TANGO6: variants seen among roughly 807,000 people sequenced by gnomAD.
TANGO6 encodes the protein transport and Golgi organization protein 6 homolog.
In TANGO6, 90 loss-of-function variants were observed where a neutral mutation model predicts 114.2. The observed-to-expected ratio is 0.79, with a 90% CI of 0.66 to 0.94. The LOEUF is 0.94. TANGO6 is among the 40% of genes least tolerant of loss of function. The probability of loss-of-function intolerance (pLI) is 0.00; values close to 1 mark genes in which losing one functional copy is unlikely to be tolerated. For missense variants in TANGO6, 1,274 were observed against 1,315.3 expected (o/e 0.97, Z 0.49); for synonymous variants, 477 against 509.8 (o/e 0.94, Z 0.87).
chr16:68,984,795 C>G (rs142548548), intron 15 of TANGO6, among the ~76,000 whole-genome samples: 514 of 151,804 alleles, frequency 3.4e-3, no homozygotes, highest in Middle Eastern at 0.01. Flanking sequence ...GTGTTGGGAT[C>G]ACAGATGTGA....
intron 14 of TANGO6, among the ~76,000 whole-genome samples, chr16:68,957,429 G>T (rs368832550): frequency 7.8e-5 from 11 of 140,444 alleles, no homozygotes; most frequent in Non-Finnish European, 1.7e-4. Context: ...ACAGTGTCTC[G>T]CTCTGTCACC....
intron 11 of TANGO6, among the ~76,000 whole-genome samples, chr16:68,915,000 C>CACACAT (rs1491328186): frequency 7.2e-6 from 1 of 138,842 alleles, no homozygotes; most frequent in African/African-American, 2.7e-5. Flanking sequence ...CACACACACA[C>CACACAT]ATATAGATAG....
At chr16:69,021,790 A>T (rs8047009) in intron 15 of TANGO6, among the ~76,000 whole-genome samples, 30,001 of 151,940 alleles carry the variant, frequency 0.2, 3,140 homozygotes, top group African/African-American at 0.25. Context: ...TTGTGTGACC[A>T]TGGGCTAATT....
At chr16:68,953,975 C>T (rs967338012) in intron 14 of TANGO6, among the ~76,000 whole-genome samples, 1 of 152,236 alleles carries the variant, frequency 6.6e-6, no homozygotes, top group African/African-American at 2.4e-5. Flanking sequence ...CACAGTGGCT[C>T]ATGCCTGTAA....
At chr16:68,958,587 A>G (rs897129957) in intron 14 of TANGO6, among the ~76,000 whole-genome samples, 6 of 152,064 alleles carry the variant, frequency 3.9e-5, no homozygotes, top group African/African-American at 9.7e-5. Context: ...AAAAAGAAAA[A>G]AAACCTCTTT....
chr16:68,918,211 G>C (rs1196325427), intron 11 of TANGO6, among the ~76,000 whole-genome samples: 1 of 152,068 alleles, frequency 6.6e-6, no homozygotes, highest in African/African-American at 2.4e-5. Flanking sequence ...CTCAACCCAG[G>C]TTTTCTTATT....
intron 15 of TANGO6, among the ~76,000 whole-genome samples, chr16:69,016,780 C>T (rs1359908803): frequency 6.6e-6 from 1 of 152,248 alleles, no homozygotes; most frequent in South Asian, 2.1e-4. Flanking sequence ...CTGCCTCAGC[C>T]TCCTGAGTAG....
Position 69,005,197 on chromosome 16 carries a change from C to T in TANGO6, c.2843-17631C>T, listed in dbSNP as rs369240420. 4.7e-4 allele frequency among the ~76,000 whole-genome samples: 71 copies of T among 152,292 alleles called. No individual in the cohort carries two copies. In the South Asian group the frequency reaches 0.015, roughly 31 times the overall value. On this transcript the variant is annotated intron_variant, in intron 15 of 17. Transcript: ENST00000261778. ...GGACCACTCACAACCAAGTGTCTTGCTTTAACCAATTGCTCAACTATCCAA... is the reference window on the plus strand; with the variant it reads ...GGACCACTCACAACCAAGTGTCTTGTTTTAACCAATTGCTCAACTATCCAA...
In TANGO6 at chr16:68,994,021, G is replaced by A. The variant is rs188315759; in HGVS notation, c.2842+19853G>A. Among the ~76,000 whole-genome samples, 3 of 152,250 alleles carry A rather than the reference G, an allele frequency of 2.0e-5. No homozygotes were observed. The East Asian group carries it at 5.8e-4, about 29-fold the overall frequency. ...TCAGTTATTGTAGATTTTCCTCATA[G>A]GGTAACTTTGTGTAAACTGAAAGCT... is the stretch of plus-strand genomic sequence containing the variant. On this transcript the variant is annotated intron_variant, in intron 15 of 17. Transcript: ENST00000261778.
At chr16:68,954,748 A>C (rs1404292777) in intron 14 of TANGO6, among the ~76,000 whole-genome samples, 2 of 152,220 alleles carry the variant, frequency 1.3e-5, no homozygotes, top group Non-Finnish European at 2.9e-5. Flanking sequence ...CCATTATGAA[A>C]AACATCCTAA....
intron 16 of TANGO6, chr16:69,033,527 C>G (rs1324634969): frequency 6.6e-6 from 1 of 152,076 alleles, no homozygotes; most frequent in Non-Finnish European, 1.5e-5. Context: ...GAGCTGGGAC[C>G]CTGGGTTAAC....
At chr16:69,025,541 C>T (rs1442176771) in intron 16 of TANGO6, among the ~76,000 whole-genome samples, 1 of 152,168 alleles carries the variant, frequency 6.6e-6, no homozygotes. Flanking sequence ...AAATGGTAGG[C>T]ATATGTAAAA....
chr16:68,864,082 G>A (rs1962141161), intron 3 of TANGO6, among the ~76,000 whole-genome samples: 1 of 151,914 alleles, frequency 6.6e-6, no homozygotes, highest in Non-Finnish European at 1.5e-5. Flanking sequence ...GCTGAGTCAG[G>A]AGAATCGCTT....
At chr16:68,850,301 A>G (rs933165852) in intron 1 of TANGO6, among the ~76,000 whole-genome samples, 4 of 151,972 alleles carry the variant, frequency 2.6e-5, no homozygotes, top group African/African-American at 9.7e-5. Flanking sequence ...TATATTTTAT[A>G]TTTTTATATT....
chr16:68,936,234 A>G, intron 14 of TANGO6, among the ~76,000 whole-genome samples: 1 of 152,216 alleles, frequency 6.6e-6, no homozygotes, highest in East Asian at 1.9e-4. Flanking sequence ...CATAGTGTAC[A>G]TTAGATATTT....
chr16:68,865,545 C>T (rs1383377574), intron 3 of TANGO6, among the ~76,000 whole-genome samples: 1 of 152,190 alleles, frequency 6.6e-6, no homozygotes, highest in Non-Finnish European at 1.5e-5. Context: ...TCTATTTATT[C>T]ACAGTGGCTC....
intron 16 of TANGO6, among the ~76,000 whole-genome samples, chr16:69,023,466 A>G (rs545971582): frequency 6.6e-6 from 1 of 152,286 alleles, no homozygotes; most frequent in South Asian, 2.1e-4. Context: ...AAAAAAAACA[A>G]AAACAAAAAA....
chr16:68,928,985 C>G (rs1430727876), intron 13 of TANGO6, among the ~76,000 whole-genome samples: 1 of 152,126 alleles, frequency 6.6e-6, no homozygotes, highest in Non-Finnish European at 1.5e-5. Flanking sequence ...GTGGTGCGAT[C>G]TCAGCTCACT....
intron 6 of TANGO6, among the ~76,000 whole-genome samples, chr16:68,880,143 C>A (rs1021636643): frequency 6.7e-6 from 1 of 150,084 alleles, no homozygotes; most frequent in African/African-American, 2.5e-5. Context: ...CGGCTAACTT[C>A]TTATATTTTT....
Sources: gnomAD v4.1 joint callset for allele counts (sites outside exome capture counted in the v4.1 genomes callset) on GRCh38, gnomAD v4.1.1 for gene constraint, MANE v1.5 for transcripts, NCBI Gene and HGNC (gene_info 2026-07-23, HGNC 2026-07-21) for gene names.